The following LRMDA variants were observed in gnomAD, a reference collection of about 807,000 sequenced individuals.
LRMDA encodes leucine rich melanocyte differentiation associated, also known as leucine-rich melanocyte differentiation-associated protein.
In LRMDA, 18 loss-of-function variants were observed where a neutral mutation model predicts 29.8. That is an observed-to-expected ratio of 0.60 (90% CI 0.42 to 0.90). The LOEUF is 0.90. Among genes scored for constraint, LRMDA ranks in the 40% least tolerant of loss-of-function variants. LRMDA has a pLI of 0.00. For missense variants in LRMDA, 273 were observed against 273.9 expected, an observed-to-expected ratio of 1.00 and a Z score of 0.02; for synonymous variants, 125 against 109.4, an observed-to-expected ratio of 1.14 and a Z score of -0.89.
chr10:75,594,842 T>C (rs1840766379), intron 2 of LRMDA, among the ~76,000 whole-genome samples: 1 of 152,226 alleles, frequency 6.6e-6, no homozygotes, highest in Non-Finnish European at 1.5e-5. Context: ...TCTAATGTAC[T>C]TGTTCTGGGT....
At chr10:76,289,169 G>A (rs1421109937) in intron 5 of LRMDA, among the ~76,000 whole-genome samples, 1 of 152,196 alleles carries the variant, frequency 6.6e-6, no homozygotes, top group Non-Finnish European at 1.5e-5. Context: ...AACTTGGCCT[G>A]TGTGGTGCTG....
chr10:76,035,192 T>G (rs1390227550), intron 2 of LRMDA, among the ~76,000 whole-genome samples: 1 of 151,892 alleles, frequency 6.6e-6, no homozygotes, highest in African/African-American at 2.4e-5. Context: ...CTACACTTCT[T>G]TCAAAAATTA....
chr10:75,558,412 G>GA (rs1840243699), intron 2 of LRMDA, among the ~76,000 whole-genome samples: 1 of 151,988 alleles, frequency 6.6e-6, no homozygotes, highest in Non-Finnish European at 1.5e-5. Flanking sequence ...TACTTGACTT[G>GA]AATCCTATAT....
intron 2 of LRMDA, among the ~76,000 whole-genome samples, chr10:75,996,119 C>A (rs926739720): frequency 3.9e-5 from 6 of 152,136 alleles, no homozygotes; most frequent in Non-Finnish European, 8.8e-5. Flanking sequence ...AATCTGTTTA[C>A]ACTTTGAAAG....
At chr10:76,190,021 G>T (rs951796952) in intron 5 of LRMDA, among the ~76,000 whole-genome samples, 11 of 152,180 alleles carry the variant, frequency 7.2e-5, no homozygotes, top group Admixed American at 5.9e-4. Flanking sequence ...TGTGGGACTT[G>T]TTTCTTGTGC....
chr10:75,520,339 C>A lies in LRMDA; in HGVS notation c.131+81845C>A, dbSNP rs149156990. On this transcript the variant is annotated intron_variant, in intron 2 of 6. Transcript: ENST00000611255. ...CCCATCAAACATAGATTTGGTCTTTCACATAGTCCCATATTTTTTGGAGGC... is the reference window on the plus strand; with the variant it reads ...CCCATCAAACATAGATTTGGTCTTTAACATAGTCCCATATTTTTTGGAGGC... 4.3e-4 allele frequency among the ~76,000 whole-genome samples: 65 copies of A among 152,322 alleles called. No individual in the cohort carries two copies. The East Asian group carries it at 0.013, about 29-fold the overall frequency.
intron 2 of LRMDA, among the ~76,000 whole-genome samples, chr10:75,590,616 A>C (rs375275217): frequency 2.0e-5 from 3 of 152,200 alleles, no homozygotes; most frequent in Middle Eastern, 6.8e-3. Flanking sequence ...CTTGATAACA[A>C]ATGCCTTGGA....
chr10:75,987,683 A>C (rs1003649145), intron 2 of LRMDA, among the ~76,000 whole-genome samples: 1 of 152,136 alleles, frequency 6.6e-6, no homozygotes, highest in African/African-American at 2.4e-5. Flanking sequence ...CTGTGTGGGC[A>C]AATCAGTGAA....
intron 6 of LRMDA, among the ~76,000 whole-genome samples, chr10:76,503,790 A>G (rs1288087269): frequency 6.7e-6 from 1 of 149,176 alleles, no homozygotes; most frequent in African/African-American, 2.5e-5. Flanking sequence ...TCTTGGTTTC[A>G]TTGATCTTTT....
intron 2 of LRMDA, among the ~76,000 whole-genome samples, chr10:75,644,742 T>G (rs1841495005): frequency 6.6e-6 from 1 of 152,134 alleles, no homozygotes; most frequent in Non-Finnish European, 1.5e-5. Flanking sequence ...TGCCGCCAAC[T>G]GATTCTCTAG....
At chr10:75,747,295 T>C (rs1041599577) in intron 2 of LRMDA, among the ~76,000 whole-genome samples, 14 of 152,210 alleles carry the variant, frequency 9.2e-5, no homozygotes, top group Non-Finnish European at 1.6e-4. Flanking sequence ...AAAAGTCGAA[T>C]ATAATTCCTG....
At chr10:75,471,179 T>C (rs1213792698) in intron 2 of LRMDA, among the ~76,000 whole-genome samples, 3 of 152,024 alleles carry the variant, frequency 2.0e-5, no homozygotes, top group African/African-American at 7.2e-5. Context: ...AAACCACTTA[T>C]AATTTCATCA....
At chr10:75,624,784 T>C (rs1182492416) in intron 2 of LRMDA, among the ~76,000 whole-genome samples, 1 of 152,230 alleles carries the variant, frequency 6.6e-6, no homozygotes, top group Non-Finnish European at 1.5e-5. Flanking sequence ...AAATTTTCAC[T>C]TGTGCATCCT....
At chr10:76,307,904 A>C (rs11594654) in intron 5 of LRMDA, among the ~76,000 whole-genome samples, 38,151 of 152,044 alleles carry the variant, frequency 0.25, 5,724 homozygotes, top group Non-Finnish European at 0.35. Flanking sequence ...TTTTAAACTT[A>C]AAGCACTTTG....
At chr10:75,703,957 A>T (rs905597886) in intron 2 of LRMDA, among the ~76,000 whole-genome samples, 1 of 152,192 alleles carries the variant, frequency 6.6e-6, no homozygotes, top group African/African-American at 2.4e-5. Context: ...GGTAGGAGGA[A>T]TTTCAGAGAG....
chr10:75,614,409 C>T (rs1470887007), intron 2 of LRMDA, among the ~76,000 whole-genome samples: 1 of 152,160 alleles, frequency 6.6e-6, no homozygotes, highest in Non-Finnish European at 1.5e-5. Flanking sequence ...TCATTAATCA[C>T]GGCCATTAGT....
intron 2 of LRMDA, among the ~76,000 whole-genome samples, chr10:75,870,908 C>A (rs561143646): frequency 1.3e-5 from 2 of 151,538 alleles, no homozygotes; most frequent in African/African-American, 4.9e-5. Flanking sequence ...GTGTTCACTT[C>A]TCTTTGGTCC....
At chr10:75,662,726 A>G (rs767267281) in intron 2 of LRMDA, among the ~76,000 whole-genome samples, 10 of 152,194 alleles carry the variant, frequency 6.6e-5, no homozygotes, top group Non-Finnish European at 1.3e-4. Flanking sequence ...TTGTTGATTT[A>G]TGAAGTGAAA....
chr10:75,729,366 C>T (rs1457495384), intron 2 of LRMDA, among the ~76,000 whole-genome samples: 1 of 152,234 alleles, frequency 6.6e-6, no homozygotes, highest in Non-Finnish European at 1.5e-5. Flanking sequence ...ACAGATTTCT[C>T]ACTGGATCGC....
Sources: allele counts gnomAD v4.1 joint callset (sites outside exome capture counted in the v4.1 genomes callset), GRCh38; gene constraint gnomAD v4.1.1; transcripts MANE v1.5; gene names NCBI Gene and HGNC (gene_info 2026-07-23, HGNC 2026-07-21).